The following CEP128 variants were observed in gnomAD, a reference collection of about 807,000 sequenced individuals.
CEP128 encodes the protein centrosomal protein 128, also known as centrosomal protein 128kDa.
Under a neutral mutation model 156.7 loss-of-function variants are expected in CEP128, and 132 were observed. The ratio of observed to expected loss-of-function variants is 0.84; its 90% CI spans 0.73 to 0.97. The LOEUF is 0.97. CEP128 is among the 50% of genes least tolerant of loss of function. The pLI is 0.00. For synonymous variants in CEP128, 469 were observed against 448.9 expected (o/e 1.04, Z -0.57); for missense variants, 1,252 against 1,281.9 (o/e 0.98, Z 0.36).
intron 7 of CEP128, among the ~76,000 whole-genome samples, chr14:80,896,228 T>C (rs1183929389): frequency 1.3e-5 from 2 of 152,194 alleles, no homozygotes; most frequent in East Asian, 3.8e-4. Context: ...TAAAGAAAAG[T>C]GTGCTGTACA....
At position 80,867,785 on chromosome 14, in the gene CEP128, AGAG is replaced by A. The variant is rs1453436343; in HGVS notation, c.646-4915_646-4913del. On this transcript the variant is annotated intron_variant, in intron 8 of 24. Transcript: ENST00000555265. Reference sequence around the variant, plus strand: ...AGGAGCAAAGAAAGAGAAGGAGATGAGAGGAGTTTACTTAAAGAAATAATAGCA... The same window carrying A: ...AGGAGCAAAGAAAGAGAAGGAGATGAGAGTTTACTTAAAGAAATAATAGCA... 3.3e-5 allele frequency among the ~76,000 whole-genome samples: 5 copies of A among 152,318 alleles called. No individual in the cohort carries two copies. In the East Asian group the frequency reaches 9.6e-4, roughly 29 times the overall value.
chr14:80,711,337 A>G (rs1897399007), intron 19 of CEP128, among the ~76,000 whole-genome samples: 1 of 130,346 alleles, frequency 7.7e-6, no homozygotes, highest in Non-Finnish European at 1.6e-5. Context: ...GTGTGTGTCT[A>G]TATGTCTGTG....
intron 19 of CEP128, among the ~76,000 whole-genome samples, chr14:80,742,033 C>T (rs980209137): frequency 4.6e-5 from 7 of 152,140 alleles, no homozygotes; most frequent in African/African-American, 1.7e-4. Context: ...TTACCAAGAG[C>T]ATGTTGCTTA....
Position 80,904,850 on chromosome 14 carries a change from C to T in CEP128, c.443G>A (p.Gly148Asp), listed in dbSNP as rs771163272. 1.6e-5 allele frequency: 25 copies of T among 1,610,256 alleles called. 1 individual carries two copies. The Admixed American group carries it at 4.0e-4, about 26-fold the overall frequency. The change falls in exon 6 of 25, where the codon GGT (glycine) becomes GAT (aspartate). Residue 148 changes from glycine to aspartate, a missense_variant. Gly to Asp is a moderately conservative substitution (Grantham distance 94). Coordinates refer to ENST00000555265, the MANE Select transcript of CEP128 (RefSeq NM_152446.5). ...ATCAGTCTCTTGAACAAACCGGACA[C>T]CAGTTCTTGATCTCATTCGTTTAAT... ...QGIKRMRSRT[G>D]VRFVQETDDM...
chr14:80,561,479 A>C (rs1013978025), intron 20 of CEP128, among the ~76,000 whole-genome samples: 1 of 152,200 alleles, frequency 6.6e-6, no homozygotes, highest in Non-Finnish European at 1.5e-5. Flanking sequence ...TATCCTTTGC[A>C]GATTGAACAG....
At chr14:80,614,770 C>CT (rs1893143433) in intron 19 of CEP128, among the ~76,000 whole-genome samples, 1 of 152,186 alleles carries the variant, frequency 6.6e-6, no homozygotes, top group South Asian at 2.1e-4. Context: ...TGTACGATGA[C>CT]TTTTCTCTGT....
At chr14:80,692,799 C>T (rs914615476) in intron 19 of CEP128, among the ~76,000 whole-genome samples, 1 of 152,188 alleles carries the variant, frequency 6.6e-6, no homozygotes, top group Non-Finnish European at 1.5e-5. Context: ...CAGACCAGCT[C>T]ACTCTGCACT....
intron 21 of CEP128, among the ~76,000 whole-genome samples, chr14:80,558,959 C>T (rs1235642006): frequency 2.6e-5 from 4 of 152,160 alleles, no homozygotes; most frequent in Non-Finnish European, 5.9e-5. Flanking sequence ...AACCAATCCT[C>T]TTAGTGATTG....
intron 23 of CEP128, among the ~76,000 whole-genome samples, chr14:80,516,219 G>A (rs1360912739): frequency 6.6e-6 from 1 of 152,118 alleles, no homozygotes; most frequent in Non-Finnish European, 1.5e-5. Context: ...CTTCAACAAA[G>A]AGGGTTCTCT....
rs528602665 is a variant in CEP128, at chr14:80,587,510, C to T, written c.2807-7087G>A. ...TCATTTCTGGTGAAACTTTCCACTT[C>T]GACAACCTTAGAGATTTAAAACCAC... On this transcript the variant is annotated intron_variant, in intron 19 of 24. Coordinates refer to ENST00000555265, the MANE Select transcript of CEP128 (RefSeq NM_152446.5). Among the ~76,000 whole-genome samples, 16 of 152,230 alleles carry T rather than the reference C, an allele frequency of 1.1e-4. No individual in the cohort carries two copies. The South Asian group carries it at 1.9e-3, about 18-fold the overall frequency.
At chr14:80,729,376 GTATACATATA>G (rs1845344008) in intron 19 of CEP128, among the ~76,000 whole-genome samples, 1 of 107,622 alleles carries the variant, frequency 9.3e-6, no homozygotes, top group Non-Finnish European at 1.9e-5. Context: ...GTATTCTATG[GTATACATATA>G]TATATATACC....
At chr14:80,784,863 T>A in intron 15 of CEP128, 32 bp downstream of exon 15, 1 of 1,532,616 alleles carries the variant, frequency 6.5e-7, no homozygotes, top group Non-Finnish European at 8.8e-7. Flanking sequence ...AAAAATTCCT[T>A]CAGTATCATC....
At chr14:80,931,974 T>G (rs965886508) in intron 2 of CEP128, among the ~76,000 whole-genome samples, 1 of 152,286 alleles carries the variant, frequency 6.6e-6, no homozygotes, top group African/African-American at 2.4e-5. Flanking sequence ...GTAATCCCCA[T>G]GTGTCGTGGG....
intron 13 of CEP128, among the ~76,000 whole-genome samples, chr14:80,799,764 A>T (rs1266269879): frequency 6.6e-6 from 1 of 151,168 alleles, no homozygotes; most frequent in East Asian, 1.9e-4. Flanking sequence ...GTGGGGAAAA[A>T]CTCTGCCCCT....
intron 3 of CEP128, among the ~76,000 whole-genome samples, chr14:80,915,128 T>G (rs1419961083): frequency 6.6e-6 from 1 of 152,194 alleles, no homozygotes; most frequent in Admixed American, 6.5e-5. Flanking sequence ...CATGGCTCAC[T>G]GCAGCCTCAG....
At chr14:80,842,118 C>T (rs989548910) in intron 9 of CEP128, among the ~76,000 whole-genome samples, 1 of 151,964 alleles carries the variant, frequency 6.6e-6, no homozygotes, top group Non-Finnish European at 1.5e-5. Context: ...TATTGATTTT[C>T]CAAAATAATG....
intron 19 of CEP128, among the ~76,000 whole-genome samples, chr14:80,608,216 C>T (rs1892860408): frequency 6.6e-6 from 1 of 152,160 alleles, no homozygotes; most frequent in Admixed American, 6.6e-5. Flanking sequence ...ACATGAAGAA[C>T]ATTATCTATA....
intron 19 of CEP128, among the ~76,000 whole-genome samples, chr14:80,712,970 A>T (rs1897467960): frequency 6.6e-6 from 1 of 152,136 alleles, no homozygotes; most frequent in African/African-American, 2.4e-5. Flanking sequence ...CCATCCTTAG[A>T]TAATACCCTG....
intron 9 of CEP128, among the ~76,000 whole-genome samples, chr14:80,860,944 G>T (rs1887483846): frequency 6.6e-6 from 1 of 151,836 alleles, no homozygotes; most frequent in Non-Finnish European, 1.5e-5. Flanking sequence ...CATTTGTTTT[G>T]AATCTTTTGT....
Sources: gnomAD v4.1 joint callset for allele counts (sites outside exome capture counted in the v4.1 genomes callset) on GRCh38, gnomAD v4.1.1 for gene constraint, MANE v1.5 for transcripts, NCBI Gene and HGNC (gene_info 2026-07-23, HGNC 2026-07-21) for gene names.